The following DPP10 variants were observed in gnomAD, a reference collection of about 807,000 sequenced individuals.
DPP10 encodes inactive dipeptidyl peptidase 10.
Under a neutral mutation model 120.9 loss-of-function variants are expected in DPP10, and 33 were observed. That is an observed-to-expected ratio of 0.27 (90% CI 0.21 to 0.37). The LOEUF is 0.37. Ranked by LOEUF, DPP10 falls within the 10% of genes least tolerant of loss-of-function variation. DPP10 has a pLI of 1.00. For missense variants in DPP10, 816 were observed against 942.8 expected (o/e 0.87, Z 1.76); for synonymous variants, 337 against 326.1 (o/e 1.03, Z -0.36).
In DPP10 at chr2:115,836,074, G is replaced by T. The variant is rs1371484198; in HGVS notation, c.1951-83G>T. ...GCTAAAAATGTCTCCAGGCATAGTT[G>T]TTATATATAAATTTGTGTGTGTGTA... On this transcript the variant is annotated intron_variant, in intron 21 of 25. Coordinates refer to ENST00000410059, the MANE Select transcript of DPP10 (RefSeq NM_020868.6). The T allele has an allele frequency of 8.7e-6, 6 of 690,264 alleles. No individual in the cohort carries two copies. In the Admixed American group the frequency reaches 2.0e-4, roughly 23 times the overall value. 42.8% of individuals were successfully genotyped at this position (690,264 alleles called of 1,614,324 possible). A position where few individuals can be genotyped will look rare whatever the true frequency, so the allele number is the denominator to read the frequency against.
chr2:115,719,755 C>T (rs2092598548), intron 7 of DPP10, among the ~76,000 whole-genome samples: 1 of 152,090 alleles, frequency 6.6e-6, no homozygotes, highest in South Asian at 2.1e-4. Flanking sequence ...TTCTATATAA[C>T]ATTTTTCCTT....
intron 21 of DPP10, among the ~76,000 whole-genome samples, chr2:115,827,539 A>G (rs1224041628): frequency 6.7e-6 from 1 of 149,764 alleles, no homozygotes; most frequent in Non-Finnish European, 1.5e-5. Flanking sequence ...ATCCCAAAAT[A>G]TATTGTTATA....
chr2:114,564,905 A>G (rs1358852036), intron 1 of DPP10, among the ~76,000 whole-genome samples: 2 of 152,202 alleles, frequency 1.3e-5, no homozygotes, highest in Non-Finnish European at 2.9e-5. Context: ...AAAGATCTTC[A>G]CTCACCAGAA....
chr2:114,897,040 A>G (rs945960765), intron 1 of DPP10, among the ~76,000 whole-genome samples: 6 of 152,164 alleles, frequency 3.9e-5, no homozygotes, highest in Non-Finnish European at 7.4e-5. Flanking sequence ...GATTACATTT[A>G]TTGATTTGCA....
At chr2:115,332,270 A>G (rs2062796160) in intron 2 of DPP10, among the ~76,000 whole-genome samples, 1 of 152,088 alleles carries the variant, frequency 6.6e-6, no homozygotes, top group Non-Finnish European at 1.5e-5. Flanking sequence ...CAGTGGTAAT[A>G]TCCCCTTTAT....
chr2:115,546,419 CTAATCA>C lies in DPP10; in HGVS notation c.441+20448_441+20453del, dbSNP rs1180807453. 6.0e-4 allele frequency among the ~76,000 whole-genome samples: 91 copies of C among 152,282 alleles called. 2 individuals are homozygous for C. In the East Asian group the frequency reaches 0.016, roughly 27 times the overall value. On this transcript the variant is annotated intron_variant, in intron 5 of 25. Transcript: ENST00000410059. Reference sequence around the variant, plus strand: ...AATCTGGAGAAATCAAAACCTATAGCTAATCAATGGGTTCCTTTACAATGGGATAGA... The same window carrying C: ...AATCTGGAGAAATCAAAACCTATAGCATGGGTTCCTTTACAATGGGATAGA...
At chr2:114,997,386 G>C (rs2104974364) in intron 1 of DPP10, among the ~76,000 whole-genome samples, 1 of 151,486 alleles carries the variant, frequency 6.6e-6, no homozygotes, top group South Asian at 2.1e-4. Flanking sequence ...CAGCTACTTG[G>C]GAGTCTGAGG....
At chr2:115,476,576 C>CCAGATAT (rs2075097333) in intron 3 of DPP10, among the ~76,000 whole-genome samples, 1 of 152,028 alleles carries the variant, frequency 6.6e-6, no homozygotes, top group Non-Finnish European at 1.5e-5. Context: ...ATTTAAATAG[C>CCAGATAT]CAGATATTGT....
At chr2:115,171,784 A>G (rs187251223) in intron 1 of DPP10, among the ~76,000 whole-genome samples, 4 of 152,074 alleles carry the variant, frequency 2.6e-5, no homozygotes, top group Non-Finnish European at 4.4e-5. Flanking sequence ...CTCATTTGAC[A>G]TTTCTTGATT....
intron 3 of DPP10, among the ~76,000 whole-genome samples, chr2:115,349,468 G>GA (rs1203095587): frequency 2.6e-5 from 4 of 152,102 alleles, no homozygotes; most frequent in South Asian, 2.1e-4. Context: ...AAAAAGAAAA[G>GA]AAAAAAACTA....
intron 1 of DPP10, among the ~76,000 whole-genome samples, chr2:114,595,713 G>A (rs1050384360): frequency 1.3e-5 from 2 of 152,096 alleles, no homozygotes; most frequent in African/African-American, 2.4e-5. Context: ...GGACAGTGGG[G>A]CATATCTCCC....
intron 19 of DPP10, among the ~76,000 whole-genome samples, chr2:115,804,183 G>A (rs140378630): frequency 0.016 from 2,402 of 151,686 alleles, 50 homozygotes; most frequent in African/African-American, 0.045. Context: ...CATTCATTTC[G>A]TCTTCTATCG....
At chr2:114,515,918 A>G (rs750399840) in intron 1 of DPP10, among the ~76,000 whole-genome samples, 17 of 152,058 alleles carry the variant, frequency 1.1e-4, no homozygotes, top group Admixed American at 1.1e-3. Context: ...AATTCTCCGC[A>G]TGCTGAGAGT....
chr2:115,166,985 A>G (rs2052924063), intron 1 of DPP10, among the ~76,000 whole-genome samples: 1 of 152,228 alleles, frequency 6.6e-6, no homozygotes, highest in Non-Finnish European at 1.5e-5. Flanking sequence ...TGTGCTATCA[A>G]CAACAAATAT....
At chr2:115,614,705 AG>A (rs1205231309) in intron 5 of DPP10, among the ~76,000 whole-genome samples, 3 of 152,122 alleles carry the variant, frequency 2.0e-5, no homozygotes, top group Admixed American at 2.0e-4. Context: ...GTGCCAGGCT[AG>A]GGGGAGGAAT....
At chr2:115,749,693 G>A (rs542733366) in intron 10 of DPP10, among the ~76,000 whole-genome samples, 1 of 152,244 alleles carries the variant, frequency 6.6e-6, no homozygotes, top group South Asian at 2.1e-4. Context: ...GCTATAATTT[G>A]GTCATGAATA....
intron 1 of DPP10, among the ~76,000 whole-genome samples, chr2:114,814,348 A>T (rs1480727367): frequency 6.6e-6 from 1 of 151,684 alleles, no homozygotes; most frequent in East Asian, 1.9e-4. Flanking sequence ...AAGACTTATT[A>T]TTCCCCTTCT....
At chr2:115,687,518 G>T (rs2091063303) in intron 5 of DPP10, among the ~76,000 whole-genome samples, 1 of 151,918 alleles carries the variant, frequency 6.6e-6, no homozygotes, top group Non-Finnish European at 1.5e-5. Context: ...TAGATAGATA[G>T]ATAGATAGAT....
chr2:114,486,712 A>G (rs184506794), intron 1 of DPP10, among the ~76,000 whole-genome samples: 1 of 152,256 alleles, frequency 6.6e-6, no homozygotes, highest in East Asian at 1.9e-4. Context: ...GTGAAACTAT[A>G]ATGTTGAAAA....
Sources: allele counts gnomAD v4.1 joint callset (sites outside exome capture counted in the v4.1 genomes callset), GRCh38; gene constraint gnomAD v4.1.1; transcripts MANE v1.5; gene names NCBI Gene and HGNC (gene_info 2026-07-23, HGNC 2026-07-21).